Variants in GNG7 observed in about 807,000 individuals in gnomAD.
GNG7 encodes guanine nucleotide-binding protein G(I)/G(S)/G(O) subunit gamma-7.
A neutral mutation model predicts 4.0 loss-of-function variants in GNG7; 1 was observed. The observed-to-expected ratio is 0.25, with a 90% CI of 0.09 to 1.18. The LOEUF is 1.18. Ranked by LOEUF, GNG7 falls within the 50% of genes most tolerant of loss-of-function variation. The probability of loss-of-function intolerance (pLI) is 0.50; values close to 1 mark genes in which losing one functional copy is unlikely to be tolerated. For synonymous variants in GNG7, 34 were observed against 36.9 expected, an observed-to-expected ratio of 0.92 and a Z score of 0.29; for missense variants, 86 against 91.9, an observed-to-expected ratio of 0.94 and a Z score of 0.26.
rs1309834640 is a variant in GNG7, at chr19:2,634,103, A to G, written c.-78+12121T>C. On this transcript the variant is annotated intron_variant, in intron 2 of 4. Coordinates refer to ENST00000382159, the MANE Select transcript of GNG7 (RefSeq NM_052847.3). This position sits in a 1 kb window ranked among gnomAD's most constrained non-coding sequence, Gnocchi z 5.3. ...AGGAGGGAGAGAGGAGGTGAGTCCCAGGAGCTGGGGGTCCTCCTGGTTTAC... is the reference window on the plus strand; with the variant it reads ...AGGAGGGAGAGAGGAGGTGAGTCCCGGGAGCTGGGGGTCCTCCTGGTTTAC... 6.6e-6 allele frequency among the ~76,000 whole-genome samples: 1 copy of G among 152,230 alleles called. No homozygotes were observed. Among genetic ancestry groups the G allele is most frequent in the African/African-American group, 2.4e-5 (1 of 41,456 alleles).
At chr19:2,689,921 G>T (rs957382663) in intron 1 of GNG7, among the ~76,000 whole-genome samples, 5 of 152,140 alleles carry the variant, frequency 3.3e-5, no homozygotes, top group Non-Finnish European at 7.3e-5. Flanking sequence ...ACTACACCAT[G>T]GTAGCAGAAT....
At chr19:2,624,744 T>C (rs1981973903) in intron 2 of GNG7, among the ~76,000 whole-genome samples, 2 of 152,002 alleles carry the variant, frequency 1.3e-5, no homozygotes, top group South Asian at 4.2e-4. Context: ...AGCAGTGCCT[T>C]CTGGGAAGGA....
chr19:2,565,480 C>T (rs560573282), intron 2 of GNG7, among the ~76,000 whole-genome samples: 8 of 150,966 alleles, frequency 5.3e-5, no homozygotes, highest in Admixed American at 2.6e-4. Flanking sequence ...CCATTGCACT[C>T]CAGCCTGGGC....
At chr19:2,560,087 C>T (rs911076918) in intron 2 of GNG7, among the ~76,000 whole-genome samples, 1 of 152,154 alleles carries the variant, frequency 6.6e-6, no homozygotes, top group South Asian at 2.1e-4. Flanking sequence ...GTGGCCTGGG[C>T]TCAGGGAACG....
At chr19:2,589,085 C>T (rs1263313398) in intron 2 of GNG7, among the ~76,000 whole-genome samples, 1 of 150,814 alleles carries the variant, frequency 6.6e-6, no homozygotes, top group Non-Finnish European at 1.5e-5. Flanking sequence ...TGAGCCACCA[C>T]ACCTGGCTAA....
intron 2 of GNG7, among the ~76,000 whole-genome samples, chr19:2,587,132 C>T (rs1399020731): frequency 6.6e-6 from 1 of 152,092 alleles, no homozygotes; most frequent in East Asian, 1.9e-4. Flanking sequence ...TAGGATCAGC[C>T]GCAGGTTAGG....
At chr19:2,641,519 C>T (rs527573112) in intron 2 of GNG7, among the ~76,000 whole-genome samples, 2 of 152,134 alleles carry the variant, frequency 1.3e-5, no homozygotes, top group East Asian at 1.9e-4. Context: ...GAGGGGGCCC[C>T]GAGCCAAGGG....
chr19:2,574,515 C>T (rs934229611), intron 2 of GNG7, among the ~76,000 whole-genome samples: 16 of 152,292 alleles, frequency 1.1e-4, no homozygotes, highest in Admixed American at 5.9e-4. Flanking sequence ...TCTCACTGAG[C>T]GTGAGGTCCT....
At chr19:2,648,626 C>T (rs1164666196) in intron 1 of GNG7, among the ~76,000 whole-genome samples, 1 of 152,216 alleles carries the variant, frequency 6.6e-6, no homozygotes, top group Non-Finnish European at 1.5e-5. Context: ...GAAATCCTCA[C>T]TGTCACCTGC....
At chr19:2,688,799 C>G (rs1424354934) in intron 1 of GNG7, among the ~76,000 whole-genome samples, 2 of 152,136 alleles carry the variant, frequency 1.3e-5, no homozygotes, top group African/African-American at 4.8e-5. Flanking sequence ...GGCACAGTGG[C>G]TCCCGTCTGT....
intron 1 of GNG7, among the ~76,000 whole-genome samples, chr19:2,677,408 T>A (rs573334655): frequency 4.6e-5 from 7 of 150,678 alleles, no homozygotes; most frequent in Non-Finnish European, 7.4e-5. Context: ...AGGCCAGGGA[T>A]GCTGATCAGA....
chr19:2,632,096 A>G (rs1982174401), intron 2 of GNG7: 1 of 152,276 alleles, frequency 6.6e-6, no homozygotes, highest in Admixed American at 6.5e-5. Context: ...TAGAGAAAGG[A>G]GCCCCAAAAG....
chr19:2,691,830 G>A (rs926442426), intron 1 of GNG7, among the ~76,000 whole-genome samples: 34 of 145,790 alleles, frequency 2.3e-4, no homozygotes, highest in African/African-American at 6.2e-4. Flanking sequence ...TCATGCCACC[G>A]CACTCCAGCC....
intron 2 of GNG7, among the ~76,000 whole-genome samples, chr19:2,625,229 C>G (rs192480857): frequency 2.0e-5 from 3 of 152,222 alleles, no homozygotes; most frequent in African/African-American, 7.2e-5. Context: ...CCACTGCACC[C>G]GGCTAATTTT....
At chr19:2,558,580 T>C (rs1979638008) in intron 2 of GNG7, among the ~76,000 whole-genome samples, 1 of 152,052 alleles carries the variant, frequency 6.6e-6, no homozygotes, top group African/African-American at 2.4e-5. Context: ...TTGTAGAACC[T>C]CAATTTTTAA....
chr19:2,531,265 C>CA, intron 3 of GNG7, among the ~76,000 whole-genome samples: 1 of 129,994 alleles, frequency 7.7e-6, no homozygotes, highest in East Asian at 2.6e-4. Context: ...GATCGTGCCA[C>CA]TGTATTCCAG....
At chr19:2,548,494 A>C (rs1599384136) in intron 3 of GNG7, among the ~76,000 whole-genome samples, 1 of 147,846 alleles carries the variant, frequency 6.8e-6, no homozygotes, top group Non-Finnish European at 1.5e-5. Context: ...AAAAAAAAAA[A>C]AAAAAAAAAC....
chr19:2,539,975 CCTT>C (rs1214265276), intron 3 of GNG7, among the ~76,000 whole-genome samples: 26 of 146,598 alleles, frequency 1.8e-4, no homozygotes, highest in African/African-American at 6.3e-4. Context: ...CTCCCTCCCT[CCTT>C]CTCTCTCTCT....
chr19:2,647,023 C>A (rs1032790550), intron 1 of GNG7, among the ~76,000 whole-genome samples: 1 of 152,166 alleles, frequency 6.6e-6, no homozygotes, highest in African/African-American at 2.4e-5. Flanking sequence ...TCAGCTGGTA[C>A]GGGCAGTCTC....
Sources: allele counts gnomAD v4.1 joint callset (sites outside exome capture counted in the v4.1 genomes callset), GRCh38; gene constraint gnomAD v4.1.1; non-coding constraint Gnocchi (gnomAD v3.1); transcripts MANE v1.5; gene names NCBI Gene and HGNC (gene_info 2026-07-23, HGNC 2026-07-21).